KLRG1: variants seen among roughly 807,000 people sequenced by gnomAD.
The protein encoded by KLRG1 is killer cell lectin like receptor G1, also known as killer cell lectin-like receptor subfamily G member 1.
A neutral mutation model predicts 21.8 loss-of-function variants in KLRG1; 16 were observed. The observed-to-expected ratio is 0.73, with a 90% CI of 0.50 to 1.11. KLRG1 has a LOEUF of 1.11. Among genes scored for constraint, KLRG1 ranks in the 50% most tolerant of loss-of-function variants. The pLI, the probability that KLRG1 is intolerant of heterozygous loss-of-function variation, is 0.00. For missense variants in KLRG1, 173 were observed against 218.3 expected (o/e 0.79, Z 1.31); for synonymous variants, 69 against 75.9 (o/e 0.91, Z 0.47).
At chr12:9,169,044 G>T in the KLRG1 span, 1 of 1,142,282 alleles carries the variant, frequency 8.8e-7, no homozygotes. Context: ...TATCCTTAGA[G>T]ACTTCTCTAT....
At chr12:9,199,861 C>G in the KLRG1 span, among the ~76,000 whole-genome samples, 1 of 152,042 alleles carries the variant, frequency 6.6e-6, no homozygotes, top group East Asian at 1.9e-4. Flanking sequence ...TTGAAAATTT[C>G]CGTTGTAGAG....
At chr12:9,098,570 C>A in the KLRG1 span, 1 of 1,565,944 alleles carries the variant, frequency 6.4e-7, no homozygotes, top group African/African-American at 1.4e-5. Flanking sequence ...GCCCCTGGCA[C>A]GGCCCTTCTT....
At chr12:9,062,945 G>C in the KLRG1 span, among the ~76,000 whole-genome samples, 7 of 152,060 alleles carry the variant, frequency 4.6e-5, no homozygotes, top group East Asian at 1.3e-3. Flanking sequence ...AGCATAACTA[G>C]AATGTTAAAG....
the KLRG1 span, among the ~76,000 whole-genome samples, chr12:9,116,968 C>T: frequency 1.3e-5 from 2 of 152,028 alleles, no homozygotes; most frequent in African/African-American, 4.8e-5. Context: ...TCAGGATGCT[C>T]TGGGAGCACA....
chr12:8,978,785 C>G (rs12822331), intron 1 of KLRG1, among the ~76,000 whole-genome samples: 54,121 of 130,782 alleles, frequency 0.41, 10,993 homozygotes, highest in Non-Finnish European at 0.51. Flanking sequence ...CACATTCCTG[C>G]CTCACTGCAA....
the KLRG1 span, among the ~76,000 whole-genome samples, chr12:9,025,458 G>A: frequency 6.6e-6 from 1 of 152,136 alleles, no homozygotes; most frequent in Non-Finnish European, 1.5e-5. Flanking sequence ...CCAACATGGT[G>A]AAACCCCGTC....
the KLRG1 span, chr12:9,090,074 C>A: frequency 6.4e-7 from 1 of 1,557,150 alleles, no homozygotes; most frequent in Non-Finnish European, 8.7e-7. Context: ...TTCCTCCATG[C>A]CTCCAAACTC....
the KLRG1 span, among the ~76,000 whole-genome samples, chr12:9,201,882 A>G: frequency 6.6e-6 from 1 of 152,196 alleles, no homozygotes; most frequent in East Asian, 1.9e-4. Context: ...TTAGCATAAA[A>G]AAGTCTTTGT....
chr12:9,115,730 G>T, the KLRG1 span: 3 of 1,535,774 alleles, frequency 2.0e-6, no homozygotes, highest in Non-Finnish European at 2.7e-6. Context: ...AAGGACTCTA[G>T]GTTCATGCTT....
chr12:9,164,818 G>A, the KLRG1 span, among the ~76,000 whole-genome samples: 3 of 152,238 alleles, frequency 2.0e-5, no homozygotes, highest in South Asian at 4.2e-4. Flanking sequence ...AATGACTCTC[G>A]TGGAACTGAG....
chr12:8,998,043 A>G lies in KLRG1; in HGVS notation c.357+2755A>G, dbSNP rs142463985. 5.3e-3 allele frequency among the ~76,000 whole-genome samples: 807 copies of G among 152,260 alleles called. 5 individuals carry two copies. The highest frequency in any genetic ancestry group is 0.019 in the African/African-American group (781 of 41,556). On this transcript the variant is annotated intron_variant, in intron 3 of 4. Transcript: ENST00000356986. ...TGGTGAATGAATAAAATTCAGAGGA[A>G]TTGGCTGGGCATAGTGGCTCCTGCC...
the KLRG1 span, among the ~76,000 whole-genome samples, chr12:9,023,904 T>C: frequency 6.6e-5 from 10 of 152,240 alleles, no homozygotes; most frequent in East Asian, 1.9e-3. Context: ...GTTGAGGTTT[T>C]TTTTTTCTTA....
chr12:9,097,765 T>C, the KLRG1 span, among the ~76,000 whole-genome samples: 1 of 151,932 alleles, frequency 6.6e-6, no homozygotes, highest in Non-Finnish European at 1.5e-5. Context: ...CCTGAGTAGC[T>C]GGGATGACAG....
chr12:9,175,398 G>T, the KLRG1 span, among the ~76,000 whole-genome samples: 3 of 151,996 alleles, frequency 2.0e-5, no homozygotes, highest in Non-Finnish European at 2.9e-5. Flanking sequence ...GGAGATAGGC[G>T]CAGGCAAAGA....
chr12:8,987,725 T>C (rs1463466706), upstream of KLRG1, among the ~76,000 whole-genome samples: 2 of 152,236 alleles, frequency 1.3e-5, no homozygotes, highest in East Asian at 3.8e-4. Flanking sequence ...TTGACTACTT[T>C]AGATTCCTCA....
At chr12:9,204,905 C>A in the KLRG1 span, among the ~76,000 whole-genome samples, 1 of 151,830 alleles carries the variant, frequency 6.6e-6, no homozygotes, top group Admixed American at 6.6e-5. Context: ...GAACAGCCTG[C>A]ACAACATTGT....
the KLRG1 span, among the ~76,000 whole-genome samples, chr12:9,070,994 A>G: frequency 2.6e-5 from 4 of 151,988 alleles, no homozygotes; most frequent in Non-Finnish European, 5.9e-5. Context: ...CTAATTTTGT[A>G]TTTTTAGTAC....
At chr12:8,962,992 A>G (rs1946405816) in intron 1 of KLRG1, among the ~76,000 whole-genome samples, 1 of 152,208 alleles carries the variant, frequency 6.6e-6, no homozygotes, top group Non-Finnish European at 1.5e-5. Flanking sequence ...ATATATACTG[A>G]GCTACATTAT....
the KLRG1 span, chr12:9,196,945 G>C: frequency 8.2e-7 from 1 of 1,218,206 alleles, no homozygotes; most frequent in Non-Finnish European, 1.2e-6. Flanking sequence ...CCTCTTTCTA[G>C]TTAGTAAAAT....
Sources: allele counts gnomAD v4.1 joint callset (sites outside exome capture counted in the v4.1 genomes callset), GRCh38; gene constraint gnomAD v4.1.1; transcripts MANE v1.5; gene names NCBI Gene and HGNC (gene_info 2026-07-23, HGNC 2026-07-21).